ROBO2: variants seen among roughly 807,000 people sequenced by gnomAD.
ROBO2 encodes roundabout guidance receptor 2.
ROBO2 carries 53 observed loss-of-function variants against 160.8 expected under a neutral mutation model. The ratio of observed to expected loss-of-function variants is 0.33; its 90% CI spans 0.26 to 0.41. The LOEUF is 0.41. Among genes scored for constraint, ROBO2 ranks in the 10% least tolerant of loss-of-function variants. The probability of loss-of-function intolerance (pLI) is 1.00; values close to 1 mark genes in which losing one functional copy is unlikely to be tolerated. For missense variants in ROBO2, 1,577 were observed against 1,722.4 expected, an observed-to-expected ratio of 0.92 and a Z score of 1.49; for synonymous variants, 664 against 611.7, an observed-to-expected ratio of 1.09 and a Z score of -1.26.
chr3:77,327,915 G>A (rs1191888750), intron 2 of ROBO2, among the ~76,000 whole-genome samples: 1 of 151,906 alleles, frequency 6.6e-6, no homozygotes, highest in South Asian at 2.1e-4. Context: ...GCCAGGCATG[G>A]TGATATGCAC....
intron 3 of ROBO2, 107 bp downstream of exon 3, chr3:77,477,678 G>A: frequency 8.6e-7 from 1 of 1,164,832 alleles, no homozygotes; most frequent in Non-Finnish European, 1.3e-6. Flanking sequence ...GTATTTGAAT[G>A]TTAATTACAA....
At chr3:77,540,070 G>A (rs145326788) in intron 6 of ROBO2, among the ~76,000 whole-genome samples, 1 of 152,316 alleles carries the variant, frequency 6.6e-6, no homozygotes, top group Non-Finnish European at 1.5e-5. Context: ...TAATTTGCAA[G>A]CATTGCTATG....
At chr3:76,264,547 T>G (rs575471890) in intron 2 of ROBO2, among the ~76,000 whole-genome samples, 11 of 152,304 alleles carry the variant, frequency 7.2e-5, no homozygotes, top group African/African-American at 2.6e-4. Context: ...TGGATGCAGT[T>G]AGACTTTTTG....
chr3:76,445,747 A>G (rs2077149980), intron 2 of ROBO2, among the ~76,000 whole-genome samples: 1 of 152,192 alleles, frequency 6.6e-6, no homozygotes, highest in South Asian at 2.1e-4. Context: ...ACGAAAATCA[A>G]TGAACGTAAT....
chr3:76,212,218 G>A (rs1207166736), intron 2 of ROBO2, among the ~76,000 whole-genome samples: 1 of 151,808 alleles, frequency 6.6e-6, no homozygotes, highest in African/African-American at 2.4e-5. Flanking sequence ...ACATAATTCT[G>A]TGTTTAGTAT....
At chr3:77,057,165 A>C (rs902877613) in intron 1 of ROBO2, among the ~76,000 whole-genome samples, 2 of 152,124 alleles carry the variant, frequency 1.3e-5, no homozygotes, top group Non-Finnish European at 2.9e-5. Context: ...TTTGTAGGGA[A>C]ATGGATGAAG....
intron 6 of ROBO2, among the ~76,000 whole-genome samples, chr3:77,527,847 G>A (rs1037089240): frequency 4.0e-5 from 6 of 151,382 alleles, no homozygotes; most frequent in Non-Finnish European, 7.4e-5. Flanking sequence ...AAGTTACTCC[G>A]AGTCCCAGTA....
intron 2 of ROBO2, among the ~76,000 whole-genome samples, chr3:76,889,740 C>G (rs560787625): frequency 1.3e-5 from 2 of 152,218 alleles, no homozygotes; most frequent in African/African-American, 4.8e-5. Flanking sequence ...AAAGCTATTA[C>G]ATAGTGATAA....
intron 2 of ROBO2, among the ~76,000 whole-genome samples, chr3:76,100,436 A>T (rs948982648): frequency 6.6e-6 from 1 of 152,188 alleles, no homozygotes; most frequent in African/African-American, 2.4e-5. Context: ...TATTCTTGCA[A>T]TATTGTATGT....
chr3:75,950,349 T>A (rs981962243), intron 2 of ROBO2, among the ~76,000 whole-genome samples: 20 of 152,234 alleles, frequency 1.3e-4, no homozygotes, highest in African/African-American at 4.3e-4. Context: ...TGAGATCATA[T>A]GTTCACCTTT....
chr3:76,202,170 G>T (rs777658616), intron 2 of ROBO2, among the ~76,000 whole-genome samples: 25 of 152,226 alleles, frequency 1.6e-4, no homozygotes, highest in Non-Finnish European at 2.6e-4. Flanking sequence ...CATATATCGT[G>T]TTATGCTTCA....
intron 2 of ROBO2, among the ~76,000 whole-genome samples, chr3:76,453,682 C>A (rs574806139): frequency 1.3e-5 from 2 of 152,046 alleles, no homozygotes; most frequent in African/African-American, 4.8e-5. Context: ...ATAAACCTTT[C>A]GAGTTGGTAA....
intron 2 of ROBO2, among the ~76,000 whole-genome samples, chr3:76,873,277 A>G (rs1346028709): frequency 6.6e-6 from 1 of 152,208 alleles, no homozygotes; most frequent in Non-Finnish European, 1.5e-5. Context: ...CAGAACCGGA[A>G]AAAGGGGTGT....
intron 2 of ROBO2, among the ~76,000 whole-genome samples, chr3:77,164,555 C>T (rs1406696827): frequency 1.4e-5 from 2 of 144,560 alleles, no homozygotes; most frequent in Non-Finnish European, 3.1e-5. Context: ...GACCCCCGCC[C>T]GGCCAGCCGC....
upstream of ROBO2, among the ~76,000 whole-genome samples, chr3:77,037,208 T>C (rs2063690719): frequency 6.6e-6 from 1 of 152,070 alleles, no homozygotes; most frequent in Admixed American, 6.5e-5. Context: ...AAAATAATGG[T>C]TTTTTAGTCA....
intron 24 of ROBO2, among the ~76,000 whole-genome samples, chr3:77,635,606 G>A (rs1050621612): frequency 6.6e-6 from 1 of 152,120 alleles, no homozygotes; most frequent in Non-Finnish European, 1.5e-5. Context: ...GGTGCCATAA[G>A]GATGTCATAC....
At chr3:76,409,544 C>T (rs2108821027) in intron 2 of ROBO2, among the ~76,000 whole-genome samples, 1 of 152,118 alleles carries the variant, frequency 6.6e-6, no homozygotes, top group African/African-American at 2.4e-5. Context: ...CAAAACAAAA[C>T]TCACATTTTA....
intron 2 of ROBO2, among the ~76,000 whole-genome samples, chr3:76,843,714 C>G (rs1007580674): frequency 2.6e-5 from 4 of 151,852 alleles, no homozygotes; most frequent in African/African-American, 9.7e-5. Context: ...TCTGGGGTCG[C>G]TCACCAGAAT....
intron 2 of ROBO2, among the ~76,000 whole-genome samples, chr3:77,289,920 A>C (rs1356233173): frequency 6.6e-6 from 1 of 152,102 alleles, no homozygotes; most frequent in Non-Finnish European, 1.5e-5. Flanking sequence ...ACATAAAGTA[A>C]AATTGATGGT....
Sources: gnomAD v4.1 joint callset for allele counts (sites outside exome capture counted in the v4.1 genomes callset) on GRCh38, gnomAD v4.1.1 for gene constraint, MANE v1.5 for transcripts, NCBI Gene and HGNC (gene_info 2026-07-23, HGNC 2026-07-21) for gene names.